Variants in DNER observed in about 807,000 individuals in gnomAD.
DNER encodes the protein delta and Notch-like epidermal growth factor-related receptor.
Under a neutral mutation model 78.2 loss-of-function variants are expected in DNER, and 33 were observed. The observed-to-expected ratio is 0.42, with a 90% CI of 0.32 to 0.56. The LOEUF is 0.56. Ranked by LOEUF, DNER falls within the 20% of genes least tolerant of loss-of-function variation. The pLI is 0.11. For missense variants in DNER, 918 were observed against 975.3 expected, an observed-to-expected ratio of 0.94 and a Z score of 0.78; for synonymous variants, 417 against 384.8, an observed-to-expected ratio of 1.08 and a Z score of -0.98.
intron 1 of DNER, among the ~76,000 whole-genome samples, chr2:229,650,765 C>T (rs1445737623): frequency 6.6e-6 from 1 of 152,182 alleles, no homozygotes; most frequent in Non-Finnish European, 1.5e-5. Context: ...CATTTCCAAG[C>T]TGGTGCTTGC....
chr2:229,512,920 G>A lies in DNER; in HGVS notation c.1010C>T (p.Thr337Ile), dbSNP rs1260791617. 2 of 1,613,844 alleles carry A rather than the reference G, an allele frequency of 1.2e-6. No individual in the cohort carries two copies. The highest frequency in any genetic ancestry group is 1.7e-5 in the Admixed American group (1 of 60,006). ...TKPSEATFSC[T>I]CEEQYVGTFC... ...AGTACCCACGTACTGCTCCTCACAG[G>A]TACAGGAAAAAGTTGCCTAAAACAC... Residue 337 changes from threonine (T) to isoleucine (I), a missense_variant, in exon 6 of 13, where the codon ACC becomes ATC. By Grantham distance (89) the Thr-to-Ile change is moderately conservative (BLOSUM62 -1). Transcript: ENST00000341772.
intron 1 of DNER, among the ~76,000 whole-genome samples, chr2:229,626,905 C>T (rs1698354763): frequency 6.6e-6 from 1 of 152,108 alleles, no homozygotes; most frequent in South Asian, 2.1e-4. Context: ...TTTAAAAAAC[C>T]ACCAGGGCAT....
intron 1 of DNER, among the ~76,000 whole-genome samples, chr2:229,653,033 C>T (rs574622473): frequency 6.6e-6 from 1 of 152,278 alleles, no homozygotes; most frequent in Admixed American, 6.5e-5. Context: ...CTGATGCCAG[C>T]ATGCTAATTT....
At chr2:229,666,587 A>G (rs1299944878) in intron 1 of DNER, among the ~76,000 whole-genome samples, 2 of 152,194 alleles carry the variant, frequency 1.3e-5, no homozygotes, top group African/African-American at 4.8e-5. Flanking sequence ...TAGAGATTCA[A>G]TTTCCTCAGC....
chr2:229,712,099 C>G (rs928242562), intron 1 of DNER, among the ~76,000 whole-genome samples: 6 of 152,154 alleles, frequency 3.9e-5, no homozygotes, highest in South Asian at 2.1e-4. Flanking sequence ...CTTCACCGCT[C>G]TCTCCAACTC....
At chr2:229,472,917 T>C (rs1694953474) in intron 7 of DNER, among the ~76,000 whole-genome samples, 1 of 152,150 alleles carries the variant, frequency 6.6e-6, no homozygotes, top group Non-Finnish European at 1.5e-5. Flanking sequence ...GGCAGACGTG[T>C]CCTGAAGGAG....
intron 11 of DNER, among the ~76,000 whole-genome samples, chr2:229,387,497 A>G (rs749820828): frequency 4.8e-5 from 5 of 103,560 alleles, no homozygotes; most frequent in South Asian, 3.5e-4. Context: ...GAAAGAAAGA[A>G]AGAAAGAAAG....
intron 11 of DNER, among the ~76,000 whole-genome samples, chr2:229,372,125 A>G (rs1263178324): frequency 1.3e-5 from 2 of 152,244 alleles, no homozygotes; most frequent in African/African-American, 4.8e-5. Flanking sequence ...TTAAGGACCT[A>G]CTATGTGCCA....
At chr2:229,393,180 C>A (rs1693054130) in intron 10 of DNER, among the ~76,000 whole-genome samples, 1 of 152,198 alleles carries the variant, frequency 6.6e-6, no homozygotes, top group Admixed American at 6.5e-5. Flanking sequence ...GTAATCCCAG[C>A]ACTCTGGGAG....
chr2:229,633,042 T>C (rs1698456470), intron 1 of DNER, among the ~76,000 whole-genome samples: 1 of 152,222 alleles, frequency 6.6e-6, no homozygotes, highest in Non-Finnish European at 1.5e-5. Flanking sequence ...ATGTTGTAAA[T>C]TGGTACCCTT....
chr2:229,367,721 T>C (rs1692383095), intron 11 of DNER, among the ~76,000 whole-genome samples: 1 of 152,196 alleles, frequency 6.6e-6, no homozygotes, highest in Non-Finnish European at 1.5e-5. Context: ...ACAATTCCTC[T>C]ATCAGCTCCC....
rs185799418 is a variant in DNER, at chr2:229,457,236, G to T, written c.1262-9696C>A. Among the ~76,000 whole-genome samples the T allele has an allele frequency of 3.3e-3, 501 of 151,942 alleles. 2 individuals carry two copies. Among genetic ancestry groups the T allele is most frequent in the African/African-American group, 0.012 (479 of 41,360 alleles). ...CTCAAGTCTACAGGAAGAAATTAAGGGCCCTAGAAATGGCAGTCTGGGGGA... is the reference window on the plus strand; with the variant it reads ...CTCAAGTCTACAGGAAGAAATTAAGTGCCCTAGAAATGGCAGTCTGGGGGA... On this transcript the variant is annotated intron_variant, in intron 7 of 12. Coordinates refer to ENST00000341772, the MANE Select transcript of DNER (RefSeq NM_139072.4).
At chr2:229,461,930 A>C (rs1289822168) in intron 7 of DNER, among the ~76,000 whole-genome samples, 1 of 152,164 alleles carries the variant, frequency 6.6e-6, no homozygotes, top group Non-Finnish European at 1.5e-5. Context: ...GCAGCAGCCA[A>C]GAGATTTCAA....
At chr2:229,443,319 G>T (rs980914518) in intron 8 of DNER, among the ~76,000 whole-genome samples, 4 of 152,110 alleles carry the variant, frequency 2.6e-5, no homozygotes, top group Non-Finnish European at 5.9e-5. Flanking sequence ...CCATTGTATT[G>T]AGAACACAAG....
intron 4 of DNER, among the ~76,000 whole-genome samples, chr2:229,556,260 GC>G (rs550478853): frequency 1.2e-3 from 188 of 152,256 alleles, no homozygotes; most frequent in African/African-American, 4.3e-3. Flanking sequence ...GATAAGTCAC[GC>G]TTGGTTTCTG....
intron 1 of DNER, among the ~76,000 whole-genome samples, chr2:229,681,210 A>T (rs538736397): frequency 3.2e-4 from 49 of 152,328 alleles, no homozygotes; most frequent in African/African-American, 1.2e-3. Context: ...CAGGTACAAG[A>T]CTAGTATAAT....
Position 229,711,102 on chromosome 2 carries a change from T to C in DNER, c.276+3046A>G, listed in dbSNP as rs151249128. On this transcript the variant is annotated intron_variant, in intron 1 of 12. Coordinates refer to ENST00000341772, the MANE Select transcript of DNER (RefSeq NM_139072.4). ...CTCCCAAATGGGTTTAAATGGCTTC[T>C]GAGAACAGGGAAAGGAGACTGGCTT... Among the ~76,000 whole-genome samples the C allele has an allele frequency of 2.0e-5, 3 of 152,076 alleles. No homozygotes were observed. In the East Asian group the frequency reaches 5.8e-4, roughly 29 times the overall value.
At chr2:229,553,326 G>A (rs1411794731) in intron 4 of DNER, among the ~76,000 whole-genome samples, 2 of 152,126 alleles carry the variant, frequency 1.3e-5, no homozygotes, top group Admixed American at 6.5e-5. Context: ...GTCAAGTCTT[G>A]TTAAAGCTAA....
chr2:229,515,585 C>T (rs1695952480), intron 5 of DNER, among the ~76,000 whole-genome samples: 2 of 151,002 alleles, frequency 1.3e-5, no homozygotes, highest in African/African-American at 4.9e-5. Flanking sequence ...AAATATGCTG[C>T]TTATGGAAAT....
Sources: allele counts gnomAD v4.1 joint callset (sites outside exome capture counted in the v4.1 genomes callset), GRCh38; gene constraint gnomAD v4.1.1; transcripts MANE v1.5; gene names NCBI Gene and HGNC (gene_info 2026-07-23, HGNC 2026-07-21).